The following PRRC2B variants were observed in gnomAD, a reference collection of about 807,000 sequenced individuals.
PRRC2B encodes the protein protein PRRC2B.
In PRRC2B, 68 loss-of-function variants were observed where a neutral mutation model predicts 242.3. The ratio of observed to expected loss-of-function variants is 0.28; its 90% confidence interval spans 0.23 to 0.34. The LOEUF is 0.34. PRRC2B is among the 10% of genes least tolerant of loss of function. The pLI is 1.00. For synonymous variants in PRRC2B, 1,228 were observed against 1,173.6 expected, an observed-to-expected ratio of 1.05 and a Z score of -0.95; for missense variants, 2,835 against 2,954.8, an observed-to-expected ratio of 0.96 and a Z score of 0.94.
At chr9:131,479,550 T>A (rs182997920) in intron 19 of PRRC2B, among the ~76,000 whole-genome samples, 157 bp downstream of exon 19, 115 of 152,364 alleles carry the variant, frequency 7.5e-4, no homozygotes, top group Middle Eastern at 3.4e-3. Context: ...AGTCGCTGAA[T>A]GCCGTCTGAG....
At position 131,444,224 on chromosome 9, in the gene PRRC2B, A is replaced by T; in HGVS notation, c.509A>T (p.Glu170Val). The T allele has an allele frequency of 6.2e-7, 1 of 1,613,994 alleles. No homozygotes were observed. Among genetic ancestry groups the T allele is most frequent in the Non-Finnish European group, 8.5e-7 (1 of 1,179,880 alleles). ...GSSRLLSFSP[E>V]EFPTLKAAGG... ...AGCCGACTGTTATCCTTCTCTCCCG[A>T]GGAATTTCCGACGCTGAAAGCAGCT... Residue 170 changes from glutamate to valine, a missense_variant, in exon 6 of 32, where the codon GAG becomes GTG. By Grantham distance (121) the Glu-to-Val change is moderately radical. Coordinates refer to ENST00000683519, the MANE Select transcript of PRRC2B (RefSeq NM_013318.4).
Position 131,486,155 on chromosome 9 carries a change from G to C in PRRC2B, c.5829G>C (p.Thr1943=). 1 of 1,612,114 alleles carries C rather than the reference G, an allele frequency of 6.2e-7. No individual in the cohort carries two copies. The part of the protein sequence containing the change: ...FASQPRLVPQ[T]IPQQQSYQQA... ...GTCAGCCCCGGCTGGTTCCTCAAACGATACCTCAGCAGCAGAGTTACCAAC... is the reference window on the plus strand; with the variant it reads ...GTCAGCCCCGGCTGGTTCCTCAAACCATACCTCAGCAGCAGAGTTACCAAC... Residue 1943 remains threonine, a synonymous_variant, in exon 26 of 32, where the codon ACG becomes ACC. Transcript: ENST00000683519.
In PRRC2B at chr9:131,475,251, T is replaced by C. The variant is rs768629381; in HGVS notation, c.3122T>C (p.Val1041Ala). 3.7e-6 allele frequency: 6 copies of C among 1,613,332 alleles called. No homozygotes were observed. Among genetic ancestry groups the C allele is most frequent in the Admixed American group, 3.3e-5 (2 of 59,982 alleles). ...EARPPRESSD[V>A]PPMKRNNWIF... ...AGACCCCCACGAGAGTCCAGCGATG[T>C]TCCCCCCATGAAGAGAAATAACTGG... The change falls in exon 16 of 32, where the codon GTT becomes GCT. Residue 1041 changes from valine (V) to alanine (A), a missense_variant. Val to Ala is a moderately conservative substitution (Grantham distance 64). Transcript: ENST00000683519.
At chr9:131,374,024 A>C (rs915769325) in intron 1 of PRRC2B, among the ~76,000 whole-genome samples, 30 of 145,558 alleles carry the variant, frequency 2.1e-4, no homozygotes, top group Admixed American at 3.7e-4. Context: ...GCGCCACTGC[A>C]CTCCAGCCTG....
chr9:131,405,498 G>A (rs1267049673), intron 1 of PRRC2B, among the ~76,000 whole-genome samples: 1 of 152,078 alleles, frequency 6.6e-6, no homozygotes, highest in African/African-American at 2.4e-5. Flanking sequence ...AGTGGCTGTT[G>A]TGCATATCTC....
At chr9:131,464,456 C>T (rs1013007288) in intron 11 of PRRC2B, among the ~76,000 whole-genome samples, 6 of 152,152 alleles carry the variant, frequency 3.9e-5, no homozygotes, top group African/African-American at 9.7e-5. Context: ...GAGTGTTTGT[C>T]GTGTGCGGGT....
intron 1 of PRRC2B, among the ~76,000 whole-genome samples, chr9:131,402,599 C>CAT (rs947660468): frequency 9.9e-5 from 15 of 152,228 alleles, no homozygotes; most frequent in Admixed American, 2.0e-4. Flanking sequence ...TGTTGTTTCC[C>CAT]ATTCATCACT....
intron 1 of PRRC2B, among the ~76,000 whole-genome samples, chr9:131,412,445 C>T (rs541318423): frequency 6.6e-6 from 1 of 152,296 alleles, no homozygotes; most frequent in African/African-American, 2.4e-5. Flanking sequence ...TTCTTCCAAA[C>T]AATGCTGCCA....
chr9:131,396,071 G>A (rs1323346846), intron 1 of PRRC2B, among the ~76,000 whole-genome samples: 1 of 152,184 alleles, frequency 6.6e-6, no homozygotes, highest in African/African-American at 2.4e-5. Flanking sequence ...AGTCTCTGAG[G>A]CTCAGATCTT....
chr9:131,400,925 C>G (rs1433187856), intron 1 of PRRC2B, among the ~76,000 whole-genome samples: 3 of 151,842 alleles, frequency 2.0e-5, no homozygotes, highest in African/African-American at 7.3e-5. Context: ...GAGCCCCCCA[C>G]CTAACTTTGG....
intron 1 of PRRC2B, 31 bp from the exon 2 acceptor site, chr9:131,430,063 T>C (rs1415240865): frequency 7.5e-6 from 5 of 670,944 alleles, no homozygotes; most frequent in African/African-American, 3.7e-5. Flanking sequence ...TCTCTCTCTT[T>C]TTTTTTTTTT....
At chr9:131,444,163 G>GTCT in intron 5 of PRRC2B, 22 bp from the exon 6 acceptor site, 1 of 1,613,734 alleles carries the variant, frequency 6.2e-7, no homozygotes, top group Non-Finnish European at 8.5e-7. Flanking sequence ...CTTCCTCCAT[G>GTCT]TCTACCCCGT....
intron 5 of PRRC2B, 38 bp downstream of exon 5, chr9:131,439,099 G>C: frequency 3.8e-6 from 6 of 1,572,910 alleles, no homozygotes; most frequent in Non-Finnish European, 5.2e-6. Flanking sequence ...GGGGACGCTG[G>C]GGAGAGGGAG....
At chr9:131,420,489 C>CTTTCT (rs1837794484) in intron 1 of PRRC2B, among the ~76,000 whole-genome samples, 1 of 17,618 alleles carries the variant, frequency 5.7e-5, no homozygotes, top group Non-Finnish European at 1.5e-4. Context: ...TTCTTTCTTT[C>CTTTCT]TTTCTTTTTT....
intron 1 of PRRC2B, among the ~76,000 whole-genome samples, chr9:131,403,672 AAAAAAAAC>A (rs1588238446): frequency 1.9e-5 from 1 of 52,340 alleles, no homozygotes; most frequent in African/African-American, 6.0e-5. Context: ...TAAAAAAAAA[AAAAAAAAC>A]AAAATTAAAA....
intron 17 of PRRC2B, 129 bp downstream of exon 17, chr9:131,478,078 G>C: frequency 1.3e-6 from 1 of 779,248 alleles, no homozygotes; most frequent in Non-Finnish European, 2.1e-6. Context: ...CAGGCCCTGG[G>C]CTGGGTTCTG....
In PRRC2B at chr9:131,478,613, C is replaced by T. The variant is rs746563755; in HGVS notation, c.4752C>T (p.Ala1584=). The change falls in exon 18 of 32, where the codon GCC becomes GCT. Residue 1584 remains alanine (A), a synonymous_variant. Transcript: ENST00000683519. ...LEEERRKKEQ[A]VQVPVKGRGL... ...AAGAGAGAAGAAAGAAGGAGCAGGC[C>T]GTGCAGGTGAGGGGCGGAGGGTGGG... 4.3e-5 allele frequency: 37 copies of T among 856,936 alleles called. 1 individual carries two copies. The highest frequency in any genetic ancestry group is 3.9e-4 in the South Asian group (24 of 61,282). 53.1% of individuals were successfully genotyped at this position (856,936 alleles called of 1,614,324 possible). A position where few individuals can be genotyped will look rare whatever the true frequency, so the allele number is the denominator to read the frequency against.
Position 131,386,120 on chromosome 9 carries a change from G to GT in PRRC2B, c.-56+12397dup, listed in dbSNP as rs1035820026. Among the ~76,000 whole-genome samples, 189 of 146,680 alleles carry GT rather than the reference G, an allele frequency of 1.3e-3. 7 individuals are homozygous for GT. Among genetic ancestry groups the GT allele is most frequent in the African/African-American group, 3.8e-3 (153 of 40,224 alleles). ...GCAAGTGAAGGATCTCTGTTTGTTT[G>GT]TTTTTTTTAAGAGATAGGGTCTTGC... is the stretch of plus-strand genomic sequence containing the variant. On this transcript the variant is annotated intron_variant, in intron 1 of 1. Coordinates refer to the PRRC2B transcript ENST00000682525.
At chr9:131,404,205 T>G (rs1324271343) in intron 1 of PRRC2B, among the ~76,000 whole-genome samples, 1 of 151,792 alleles carries the variant, frequency 6.6e-6, no homozygotes, top group Non-Finnish European at 1.5e-5. Context: ...GGTTTAGATA[T>G]TCCCAGTTGA....
Sources: gnomAD v4.1 joint callset for allele counts (sites outside exome capture counted in the v4.1 genomes callset) on GRCh38, gnomAD v4.1.1 for gene constraint, MANE v1.5 for transcripts, NCBI Gene and HGNC (gene_info 2026-07-23, HGNC 2026-07-21) for gene names.